The following SPAG16 variants were observed in gnomAD, a reference collection of about 807,000 sequenced individuals.
SPAG16 encodes the protein sperm-associated antigen 16 protein.
A neutral mutation model predicts 80.4 loss-of-function variants in SPAG16; 86 were observed. The ratio of observed to expected loss-of-function variants is 1.07; its 90% CI spans 0.90 to 1.28. The LOEUF (loss-of-function observed/expected upper bound fraction) is 1.28, where lower values mean the gene tolerates loss of function less well. SPAG16 is among the 50% of genes most tolerant of loss of function. The pLI is 0.00. For missense variants in SPAG16, 870 were observed against 765.3 expected, an observed-to-expected ratio of 1.14 and a Z score of -1.61; for synonymous variants, 294 against 265.9, an observed-to-expected ratio of 1.11 and a Z score of -1.03.
At chr2:213,789,858 T>C (rs992621646) in intron 10 of SPAG16, among the ~76,000 whole-genome samples, 5 of 151,992 alleles carry the variant, frequency 3.3e-5, no homozygotes, top group Non-Finnish European at 2.9e-5. Context: ...AAGTTAAAAA[T>C]AATTTGTAAA....
At chr2:213,351,451 AATGCTTGAC>A (rs1390954464) in intron 7 of SPAG16, among the ~76,000 whole-genome samples, 2 of 152,162 alleles carry the variant, frequency 1.3e-5, no homozygotes, top group African/African-American at 4.8e-5. Context: ...TATTTTTGCT[AATGCTTGAC>A]ATCCTTTTAG....
At chr2:213,356,635 C>G (rs1575340443) in intron 7 of SPAG16, among the ~76,000 whole-genome samples, 1 of 151,826 alleles carries the variant, frequency 6.6e-6, no homozygotes, top group South Asian at 2.1e-4. Context: ...TGATTCTTCT[C>G]TCCTTTCTTC....
intron 10 of SPAG16, among the ~76,000 whole-genome samples, chr2:213,544,600 A>G (rs747621132): frequency 3.3e-5 from 5 of 152,106 alleles, no homozygotes; most frequent in Admixed American, 6.6e-5. Flanking sequence ...CAAATTCATA[A>G]TGACATGTAT....
intron 9 of SPAG16, among the ~76,000 whole-genome samples, chr2:213,393,663 A>T (rs2067887109): frequency 6.6e-6 from 1 of 152,032 alleles, no homozygotes; most frequent in African/African-American, 2.4e-5. Context: ...GGAATTGGGG[A>T]TGAGGGTTTT....
At chr2:214,392,085 C>T (rs1047326051) in intron 15 of SPAG16, among the ~76,000 whole-genome samples, 1 of 152,110 alleles carries the variant, frequency 6.6e-6, no homozygotes, top group African/African-American at 2.4e-5. Flanking sequence ...TTGAATAGAA[C>T]CCAAAGAAAA....
chr2:213,734,628 C>T lies in SPAG16; in HGVS notation c.1071-127857C>T, dbSNP rs139471714. On this transcript the variant is annotated intron_variant, in intron 10 of 15. Transcript: ENST00000331683. ...TAACTTTTAAATAACTAATTTTATC[C>T]AGTTGCAATAAAGGGGTTATATGCA... 5.5e-3 allele frequency among the ~76,000 whole-genome samples: 843 copies of T among 152,074 alleles called. 10 individuals carry two copies. The highest frequency in any genetic ancestry group is 0.02 in the African/African-American group (811 of 41,490).
Position 214,172,985 on chromosome 2 carries a change from T to C in SPAG16, c.1720+23719T>C, listed in dbSNP as rs574436327. 2.0e-5 allele frequency among the ~76,000 whole-genome samples: 3 copies of C among 152,164 alleles called. No individual in the cohort carries two copies. The South Asian group carries it at 6.2e-4, about 32-fold the overall frequency. Reference sequence around the variant, plus strand: ...TAAATTTGTTTGAGTTCATTGTAGATTCTGGATATTAGCCCTTTGTCAGAT... The same window carrying C: ...TAAATTTGTTTGAGTTCATTGTAGACTCTGGATATTAGCCCTTTGTCAGAT... On this transcript the variant is annotated intron_variant, in intron 15 of 15. Coordinates refer to ENST00000331683, the MANE Select transcript of SPAG16 (RefSeq NM_024532.5).
chr2:214,160,043 A>T (rs1442047632), intron 15 of SPAG16, among the ~76,000 whole-genome samples: 2 of 151,988 alleles, frequency 1.3e-5, no homozygotes, highest in African/African-American at 4.8e-5. Context: ...CTATTTACAA[A>T]GCAAATTGAA....
chr2:214,263,808 C>G (rs1281399503), intron 15 of SPAG16, among the ~76,000 whole-genome samples: 2 of 152,266 alleles, frequency 1.3e-5, no homozygotes, highest in African/African-American at 2.4e-5. Context: ...GCAATTAAAA[C>G]AGAGAGCAAT....
chr2:214,096,347 C>G (rs2052589649), intron 13 of SPAG16, among the ~76,000 whole-genome samples: 1 of 151,658 alleles, frequency 6.6e-6, no homozygotes, highest in Non-Finnish European at 1.5e-5. Flanking sequence ...TCATTTGATG[C>G]TGCCTGTTTA....
Position 213,930,086 on chromosome 2 carries a change from C to T in SPAG16, c.1341C>T (p.Cys447=), listed in dbSNP as rs541920733. Residue 447 remains cysteine (C), a synonymous_variant, in exon 12 of 16, where the codon TGC becomes TGT. Transcript: ENST00000331683. The part of the protein sequence containing the change: ...RAVWSCTWHS[C]GNFVASSSLD... ...TGTGGTCCTGCACATGGCACTCCTG[C>T]GGCAATTTTGTGGCTTCCTCCTCAC... 125 of 1,613,860 alleles carry T rather than the reference C, an allele frequency of 7.7e-5. 3 individuals are homozygous for T. In the South Asian group the frequency reaches 9.9e-4, roughly 13 times the overall value.
rs148436724 is a variant in SPAG16, at chr2:214,120,834, A to G, written c.1593+12573A>G. ...ACTTGTAACTTTTAATTTTATTTAT[A>G]TGATGATGATTTTCAAGTAAATCCC... On this transcript the variant is annotated intron_variant, in intron 14 of 15. Transcript: ENST00000331683. Among the ~76,000 whole-genome samples, 28 of 151,984 alleles carry G rather than the reference A, an allele frequency of 1.8e-4. 1 individual carries two copies. The East Asian group carries it at 5.4e-3, about 29-fold the overall frequency.
rs2078682221 is a variant in SPAG16 at position 213,930,102 on chromosome 2, T to C, written c.1357T>C (p.Ser453Pro). 1 of 1,613,926 alleles carries C rather than the reference T, an allele frequency of 6.2e-7. No individual in the cohort carries two copies. Among genetic ancestry groups the C allele is most frequent in the Non-Finnish European group, 8.5e-7 (1 of 1,179,906 alleles). Residue 453 changes from serine to proline, a missense_variant, in exon 12 of 16, where the codon TCC (serine) becomes CCC (proline). Transcript: ENST00000331683. ...GCACTCCTGCGGCAATTTTGTGGCT[T>C]CCTCCTCACTGGATAAAACTAGCAA... is the stretch of plus-strand genomic sequence containing the variant. Reference protein sequence around the residue: ...TWHSCGNFVASSSLDKTSKIW... With the variant: ...TWHSCGNFVAPSSLDKTSKIW...
Position 213,326,388 on chromosome 2 carries a change from A to G in SPAG16, c.536+9032A>G, listed in dbSNP as rs74544360. Among the ~76,000 whole-genome samples the G allele has an allele frequency of 7.4e-3, 1,121 of 152,170 alleles. 12 individuals carry two copies. Among genetic ancestry groups the G allele is most frequent in the Non-Finnish European group, 0.013 (858 of 67,888 alleles). ...ATTTAGTTTTATGACTTTCAGAAAC[A>G]AACACTGTGAAAATAAAGATAATAA... On this transcript the variant is annotated intron_variant, in intron 5 of 15. Transcript: ENST00000331683.
At chr2:213,377,910 T>G (rs865858485) in intron 9 of SPAG16, among the ~76,000 whole-genome samples, 3 of 119,796 alleles carry the variant, frequency 2.5e-5, no homozygotes, top group African/African-American at 1.5e-4. Flanking sequence ...TATATTTTTT[T>G]TTTTTTTTCT....
chr2:214,052,476 A>G (rs73987143), intron 13 of SPAG16, among the ~76,000 whole-genome samples: 2,873 of 152,316 alleles, frequency 0.019, 95 homozygotes, highest in African/African-American at 0.066. Context: ...TCATACCTGC[A>G]AAACTCTGAC....
chr2:214,003,163 G>C (rs1304552049), intron 12 of SPAG16, among the ~76,000 whole-genome samples: 1 of 152,316 alleles, frequency 6.6e-6, no homozygotes. Context: ...GTCAACTGCA[G>C]TGTACCACTG....
chr2:213,770,565 G>C (rs1164932766), intron 10 of SPAG16, among the ~76,000 whole-genome samples: 1 of 152,042 alleles, frequency 6.6e-6, no homozygotes, highest in Admixed American at 6.6e-5. Flanking sequence ...CCATCACATA[G>C]GTATTAAGCC....
chr2:214,143,390 G>C (rs780691970), intron 14 of SPAG16, among the ~76,000 whole-genome samples: 2 of 151,754 alleles, frequency 1.3e-5, no homozygotes, highest in Non-Finnish European at 2.9e-5. Flanking sequence ...AGACCATCTT[G>C]ACCAGGGTCC....
Sources: allele counts gnomAD v4.1 joint callset (sites outside exome capture counted in the v4.1 genomes callset), GRCh38; gene constraint gnomAD v4.1.1; transcripts MANE v1.5; gene names NCBI Gene and HGNC (gene_info 2026-07-23, HGNC 2026-07-21).